The following UST variants were observed in gnomAD, a reference collection of about 807,000 sequenced individuals.
The protein encoded by UST is chondroitin sulfate 2-O-sulfotransferase.
A neutral mutation model predicts 45.6 loss-of-function variants in UST; 21 were observed. The ratio of observed to expected loss-of-function variants is 0.46; its 90% CI spans 0.33 to 0.66. The LOEUF is 0.66. Among genes scored for constraint, UST ranks in the 30% least tolerant of loss-of-function variants. The probability of loss-of-function intolerance (pLI) is 0.02; values close to 1 mark genes in which losing one functional copy is unlikely to be tolerated. For synonymous variants in UST, 215 were observed against 200.6 expected, an observed-to-expected ratio of 1.07 and a Z score of -0.61; for missense variants, 463 against 512.4, an observed-to-expected ratio of 0.90 and a Z score of 0.93.
chr6:148,821,681 C>G (rs1388657839), intron 1 of UST, among the ~76,000 whole-genome samples: 3 of 152,178 alleles, frequency 2.0e-5, no homozygotes, highest in Non-Finnish European at 4.4e-5. Context: ...TCAATTATTA[C>G]CAAATGGATG....
At chr6:148,802,450 C>T (rs1160854010) in intron 1 of UST, among the ~76,000 whole-genome samples, 1 of 152,202 alleles carries the variant, frequency 6.6e-6, no homozygotes, top group Non-Finnish European at 1.5e-5. Context: ...CTCAATGGAG[C>T]AAGACTTTGA....
At chr6:148,834,937 C>G (rs967093481) in intron 1 of UST, among the ~76,000 whole-genome samples, 1 of 152,126 alleles carries the variant, frequency 6.6e-6, no homozygotes, top group Non-Finnish European at 1.5e-5. Flanking sequence ...CCAAAGTATA[C>G]AAATAAATAG....
chr6:148,882,767 G>T lies in UST; in HGVS notation c.248-4219G>T, dbSNP rs185152998. On this transcript the variant is annotated intron_variant, in intron 1 of 7. Transcript: ENST00000367463. ...TGCTTGACTAATATTGCTTTGAGGG[G>T]CGCTTGTGAGGATTAGATAAAATGA... Among the ~76,000 whole-genome samples, 408 of 152,236 alleles carry T rather than the reference G, an allele frequency of 2.7e-3. 2 individuals are homozygous for T. Among genetic ancestry groups the T allele is most frequent in the African/African-American group, 8.8e-3 (366 of 41,528 alleles).
chr6:148,846,723 T>C (rs1777999324), intron 1 of UST, among the ~76,000 whole-genome samples: 1 of 152,254 alleles, frequency 6.6e-6, no homozygotes, highest in Admixed American at 6.5e-5. Flanking sequence ...TAGCTCAGTG[T>C]GTGGTGCAAT....
At chr6:148,918,649 C>A (rs1172013086) in intron 2 of UST, among the ~76,000 whole-genome samples, 3 of 152,148 alleles carry the variant, frequency 2.0e-5, no homozygotes. Flanking sequence ...TATTTCCTAA[C>A]TATATTTTAT....
intron 5 of UST, among the ~76,000 whole-genome samples, chr6:148,980,223 C>T (rs1458985040): frequency 6.6e-6 from 1 of 152,068 alleles, no homozygotes; most frequent in African/African-American, 2.4e-5. Context: ...TACCATGCTC[C>T]TGATTTTTTA....
At chr6:148,779,246 C>T (rs1562254837) in intron 1 of UST, among the ~76,000 whole-genome samples, 1 of 152,084 alleles carries the variant, frequency 6.6e-6, no homozygotes, top group Non-Finnish European at 1.5e-5. Context: ...ATTTCAGACC[C>T]TTGTCATTCT....
intron 2 of UST, among the ~76,000 whole-genome samples, chr6:148,908,503 C>A (rs886786417): frequency 6.6e-6 from 1 of 152,136 alleles, no homozygotes; most frequent in Non-Finnish European, 1.5e-5. Flanking sequence ...GAAAGTCAAC[C>A]ATTGCTATCC....
intron 1 of UST, among the ~76,000 whole-genome samples, chr6:148,777,202 G>A (rs1776551695): frequency 1.3e-5 from 2 of 152,284 alleles, no homozygotes; most frequent in African/African-American, 4.8e-5. Context: ...AGGGAACAGC[G>A]TGCCTCATCT....
Position 149,053,916 on chromosome 6 carries a change from G to A in UST, c.938-19917G>A, listed in dbSNP as rs538463248. Among the ~76,000 whole-genome samples, 7 of 152,316 alleles carry A rather than the reference G, an allele frequency of 4.6e-5. No homozygotes were observed. In the South Asian group the frequency reaches 1.5e-3, roughly 32 times the overall value. On this transcript the variant is annotated intron_variant, in intron 7 of 7. Coordinates refer to ENST00000367463, the MANE Select transcript of UST (RefSeq NM_005715.3). ...AACATTGGCACAAGTATTGTCAGGT[G>A]GAGCCTGGCCGTGACCTCTGTGAAA...
In UST at chr6:148,747,376, G is replaced by T; in HGVS notation, c.-55G>T. 7.4e-7 allele frequency: 1 copy of T among 1,360,168 alleles called. No homozygotes were observed. Among genetic ancestry groups the T allele is most frequent in the East Asian group, 3.1e-5 (1 of 32,574 alleles). The allele number at this position is 1,360,168 out of a possible 1,614,324, so 84.3% of individuals were successfully genotyped here. On this transcript the variant is annotated 5_prime_UTR_variant, in exon 1 of 8. Transcript: ENST00000367463. ...CCAGCCGGGCTCTCCTCCTCGCGGC[G>T]GATGGGTGACCTTTTCCTGGCACGG...
chr6:148,809,329 T>G (rs1249626680), intron 1 of UST, among the ~76,000 whole-genome samples: 6 of 152,080 alleles, frequency 3.9e-5, no homozygotes, highest in South Asian at 2.1e-4. Flanking sequence ...TTGTTTTTTT[T>G]TTTTTTCTCA....
chr6:148,884,713 C>A (rs899080903), intron 1 of UST, among the ~76,000 whole-genome samples: 2 of 152,020 alleles, frequency 1.3e-5, no homozygotes, highest in African/African-American at 2.4e-5. Context: ...TAAGGCTGAA[C>A]GATCTCTCTG....
At chr6:149,066,355 A>C (rs1293767771) in intron 7 of UST, 3 of 151,978 alleles carry the variant, frequency 2.0e-5, no homozygotes, top group Non-Finnish European at 4.4e-5. Context: ...AAGATGAAAG[A>C]GGGAGGGTGC....
intron 2 of UST, among the ~76,000 whole-genome samples, chr6:148,937,968 C>A (rs965817248): frequency 6.6e-6 from 1 of 152,182 alleles, no homozygotes. Flanking sequence ...CTGATCATAA[C>A]CTTGTAGCCA....
intron 5 of UST, among the ~76,000 whole-genome samples, chr6:148,970,222 G>A (rs1168067142): frequency 6.6e-6 from 1 of 152,152 alleles, no homozygotes; most frequent in Non-Finnish European, 1.5e-5. Flanking sequence ...GAAGGAGGGG[G>A]CAAGGGAGGA....
At chr6:148,986,499 G>A (rs1781239275) in intron 5 of UST, among the ~76,000 whole-genome samples, 1 of 152,200 alleles carries the variant, frequency 6.6e-6, no homozygotes, top group South Asian at 2.1e-4. Flanking sequence ...AAAGACAGTA[G>A]CTTGAAAATT....
chr6:148,866,891 G>A (rs1227068196), intron 1 of UST, among the ~76,000 whole-genome samples: 1 of 7,670 alleles, frequency 1.3e-4, no homozygotes, highest in Non-Finnish European at 2.2e-4. Context: ...ACCTCCACAA[G>A]GCATTTTTTT....
At chr6:148,920,700 T>A (rs1206868424) in intron 2 of UST, among the ~76,000 whole-genome samples, 2 of 152,158 alleles carry the variant, frequency 1.3e-5, no homozygotes, top group African/African-American at 4.8e-5. Flanking sequence ...GGCTAGTTTT[T>A]GTTGTGTTTT....
Sources: allele counts gnomAD v4.1 joint callset (sites outside exome capture counted in the v4.1 genomes callset), GRCh38; gene constraint gnomAD v4.1.1; transcripts MANE v1.5; gene names NCBI Gene and HGNC (gene_info 2026-07-23, HGNC 2026-07-21).